TENM2: variants seen among roughly 807,000 people sequenced by gnomAD.
TENM2 encodes teneurin transmembrane protein 2.
In TENM2, 52 loss-of-function variants were observed where a neutral mutation model predicts 245.2. The observed-to-expected ratio is 0.21, with a 90% CI of 0.17 to 0.27. TENM2 has a LOEUF of 0.27. Ranked by LOEUF, TENM2 falls within the 10% of genes least tolerant of loss-of-function variation. The probability of loss-of-function intolerance (pLI) is 1.00; values close to 1 mark genes in which losing one functional copy is unlikely to be tolerated. For synonymous variants in TENM2, 1,363 were observed against 1,438.9 expected, an observed-to-expected ratio of 0.95 and a Z score of 1.19; for missense variants, 3,046 against 3,666.8, an observed-to-expected ratio of 0.83 and a Z score of 4.37.
intron 2 of TENM2, among the ~76,000 whole-genome samples, chr5:167,571,782 CT>C (rs1221863256): frequency 6.6e-6 from 1 of 152,184 alleles, no homozygotes; most frequent in Non-Finnish European, 1.5e-5. Context: ...TAGTTGCATC[CT>C]TGTAACTGGG....
chr5:167,947,702 A>C (rs1779746323), intron 3 of TENM2, among the ~76,000 whole-genome samples: 1 of 152,128 alleles, frequency 6.6e-6, no homozygotes, highest in African/African-American at 2.4e-5. Flanking sequence ...ATTGCTATTG[A>C]GATGTAACTT....
chr5:168,220,984 T>A (rs1378414074), intron 23 of TENM2, among the ~76,000 whole-genome samples: 1 of 152,004 alleles, frequency 6.6e-6, no homozygotes, highest in East Asian at 1.9e-4. Flanking sequence ...TGGTGGTGCA[T>A]ACTTATAGTC....
At chr5:167,449,551 GATAGATAGA>G (rs1765446355) in intron 2 of TENM2, among the ~76,000 whole-genome samples, 2 of 149,744 alleles carry the variant, frequency 1.3e-5, no homozygotes, top group African/African-American at 5.0e-5. Context: ...TAGATAGATA[GATAGATAGA>G]TAGATAGATA....
chr5:168,056,512 A>G (rs1789554491), intron 6 of TENM2, among the ~76,000 whole-genome samples: 1 of 152,246 alleles, frequency 6.6e-6, no homozygotes, highest in East Asian at 1.9e-4. Context: ...GATATTCAGT[A>G]CTGGTCTCAT....
chr5:167,571,706 T>C (rs1291079087), intron 2 of TENM2, among the ~76,000 whole-genome samples: 2 of 152,230 alleles, frequency 1.3e-5, no homozygotes, highest in Non-Finnish European at 2.9e-5. Context: ...GTTTTGCAGA[T>C]GCTGTTCAAT....
At chr5:167,026,140 T>C in the TENM2 span, among the ~76,000 whole-genome samples, 1 of 152,238 alleles carries the variant, frequency 6.6e-6, no homozygotes, top group African/African-American at 2.4e-5. Context: ...GTATTCTGTA[T>C]CTGAGTCAGT....
At chr5:167,288,919 C>A (rs1400929213) in intron 1 of TENM2, among the ~76,000 whole-genome samples, 2 of 152,204 alleles carry the variant, frequency 1.3e-5, no homozygotes, top group African/African-American at 4.8e-5. Flanking sequence ...CTATGAAATT[C>A]ACTTTCTAAG....
the TENM2 span, among the ~76,000 whole-genome samples, chr5:166,988,416 G>C: frequency 6.6e-6 from 1 of 152,186 alleles, no homozygotes; most frequent in Non-Finnish European, 1.5e-5. Flanking sequence ...CTTACTGCCA[G>C]TCCTTCTGAA....
intron 2 of TENM2, among the ~76,000 whole-genome samples, chr5:167,740,603 C>A (rs374951281): frequency 2.0e-5 from 3 of 152,096 alleles, no homozygotes; most frequent in Non-Finnish European, 2.9e-5. Flanking sequence ...TTGTATCCCG[C>A]GTGCTACCTG....
At chr5:167,409,376 T>C (rs1443084537) in intron 2 of TENM2, among the ~76,000 whole-genome samples, 1 of 151,988 alleles carries the variant, frequency 6.6e-6, no homozygotes, top group African/African-American at 2.4e-5. Context: ...AACAAAAAAG[T>C]TGTAAAAACA....
the TENM2 span, among the ~76,000 whole-genome samples, chr5:167,070,094 A>G: frequency 8.5e-4 from 91 of 107,138 alleles, no homozygotes; most frequent in Non-Finnish European, 1.6e-3. Context: ...TTTCTCATTT[A>G]TTCATTTGAC....
exon 2 of TENM2, chr5:167,375,330 A>G: frequency 6.4e-7 from 1 of 1,551,624 alleles, no homozygotes; most frequent in Non-Finnish European, 8.7e-7. Context: ...TCCGACACCG[A>G]GGGAGGGATG....
chr5:167,462,021 A>AG (rs1766324575), intron 2 of TENM2, among the ~76,000 whole-genome samples: 1 of 152,216 alleles, frequency 6.6e-6, no homozygotes. Flanking sequence ...GTGCATCTTC[A>AG]AGAGACAGAT....
intron 7 of TENM2, among the ~76,000 whole-genome samples, chr5:168,090,293 A>C (rs7706038): frequency 0.016 from 2,435 of 151,848 alleles, 71 homozygotes; most frequent in African/African-American, 0.055. Flanking sequence ...AAAGAAAAAA[A>C]CTTTGGGTTA....
intron 1 of TENM2, among the ~76,000 whole-genome samples, chr5:167,325,830 G>A (rs1410806327): frequency 6.6e-6 from 1 of 152,154 alleles, no homozygotes; most frequent in Non-Finnish European, 1.5e-5. Context: ...GTTCTGCCCT[G>A]AACTTATAGT....
Position 167,377,121 on chromosome 5 carries a change from A to G in TENM2, c.502+1648A>G, listed in dbSNP as rs188621376. Among the ~76,000 whole-genome samples the G allele has an allele frequency of 3.4e-3, 517 of 152,296 alleles. 4 individuals are homozygous for G. Among genetic ancestry groups the G allele is most frequent in the Admixed American group, 5.4e-3 (83 of 15,304 alleles). ...GAGGGTTTCTGGTGAAGCCAAGGGC[A>G]CAAAAAATGCTTGCCATGAATTTAC... On this transcript the variant is annotated intron_variant, in intron 2 of 28. Transcript: ENST00000518659.
intron 2 of TENM2, among the ~76,000 whole-genome samples, chr5:167,438,619 G>C (rs1025709866): frequency 3.0e-4 from 45 of 152,110 alleles, no homozygotes; most frequent in African/African-American, 1.7e-4. Context: ...GGATGGTCTC[G>C]ATCTCCTGAC....
At chr5:167,984,364 A>C (rs1783071132) in intron 4 of TENM2, among the ~76,000 whole-genome samples, 1 of 152,226 alleles carries the variant, frequency 6.6e-6, no homozygotes, top group Admixed American at 6.5e-5. Flanking sequence ...TATTTTTAAA[A>C]TGTATATACT....
chr5:167,086,572 T>C, the TENM2 span, among the ~76,000 whole-genome samples: 21 of 152,166 alleles, frequency 1.4e-4, no homozygotes, highest in Admixed American at 1.4e-3. Context: ...GGAGTTTTCA[T>C]GCACCTGTTT....
Sources: allele counts gnomAD v4.1 joint callset (sites outside exome capture counted in the v4.1 genomes callset), GRCh38; gene constraint gnomAD v4.1.1; transcripts MANE v1.5; gene names NCBI Gene and HGNC (gene_info 2026-07-23, HGNC 2026-07-21).